SRPK2: variants seen among roughly 807,000 people sequenced by gnomAD.
The protein encoded by SRPK2 is SFRS protein kinase 2.
In SRPK2, 21 loss-of-function variants were observed where a neutral mutation model predicts 90.8. The ratio of observed to expected loss-of-function variants is 0.23; its 90% CI spans 0.16 to 0.33. SRPK2 has a LOEUF of 0.33. SRPK2 is among the 10% of genes least tolerant of loss of function. The pLI is 1.00. For synonymous variants in SRPK2, 288 were observed against 311.1 expected, an observed-to-expected ratio of 0.93 and a Z score of 0.78; for missense variants, 620 against 869.0, an observed-to-expected ratio of 0.71 and a Z score of 3.60.
At chr7:105,386,540 C>G (rs1821631025) in intron 2 of SRPK2, among the ~76,000 whole-genome samples, 1 of 151,594 alleles carries the variant, frequency 6.6e-6, no homozygotes, top group Admixed American at 6.6e-5. Context: ...ATGGTGAAAC[C>G]CCGTCTCTAC....
At chr7:105,144,090 T>C (rs1178023480) in intron 9 of SRPK2, 2 of 152,340 alleles carry the variant, frequency 1.3e-5, no homozygotes, top group Admixed American at 6.5e-5. Flanking sequence ...TTGTTGTTGT[T>C]TTCTTTGAGA....
chr7:105,297,317 A>T, intron 2 of SRPK2: 1 of 270,780 alleles, frequency 3.7e-6, no homozygotes, highest in Non-Finnish European at 5.7e-6. Flanking sequence ...ATGAAGTGAC[A>T]CAGACACAGA....
intron 2 of SRPK2, 35 bp from the exon 3 acceptor site, chr7:105,203,820 G>C: frequency 6.4e-7 from 1 of 1,551,712 alleles, no homozygotes; most frequent in Non-Finnish European, 8.7e-7. Context: ...TATTTACTTA[G>C]AAGTACATCT....
intron 2 of SRPK2, among the ~76,000 whole-genome samples, chr7:105,220,565 A>T (rs1339577589): frequency 6.6e-6 from 1 of 152,182 alleles, no homozygotes; most frequent in Non-Finnish European, 1.5e-5. Context: ...TCAAAAACTC[A>T]AATTTAAATT....
chr7:105,205,726 A>G (rs55712418), intron 2 of SRPK2, among the ~76,000 whole-genome samples: 64,265 of 151,974 alleles, frequency 0.42, 15,276 homozygotes, highest in South Asian at 0.53. Context: ...AGGAGAGGCA[A>G]GTAAGGAACT....
chr7:105,262,195 T>C (rs1036407034), intron 2 of SRPK2, among the ~76,000 whole-genome samples: 2 of 152,156 alleles, frequency 1.3e-5, no homozygotes, highest in African/African-American at 4.8e-5. Flanking sequence ...AACTACTACA[T>C]CTAGACCAAA....
At chr7:105,351,053 G>A (rs1026075849) in intron 2 of SRPK2, among the ~76,000 whole-genome samples, 40 of 152,164 alleles carry the variant, frequency 2.6e-4, no homozygotes, top group Non-Finnish European at 2.8e-4. Context: ...TATGAGGCAG[G>A]TCTTTAAGAG....
intron 7 of SRPK2, among the ~76,000 whole-genome samples, chr7:105,150,148 A>G (rs1480075345): frequency 6.6e-6 from 1 of 152,230 alleles, no homozygotes; most frequent in Non-Finnish European, 1.5e-5. Flanking sequence ...TAAAACTAGG[A>G]TAAGATTTTA....
At chr7:105,133,830 A>C (rs1802388937) in intron 11 of SRPK2, among the ~76,000 whole-genome samples, 1 of 152,190 alleles carries the variant, frequency 6.6e-6, no homozygotes, top group Non-Finnish European at 1.5e-5. Context: ...GTCATTCTAA[A>C]TTCCAGGATG....
intron 2 of SRPK2, among the ~76,000 whole-genome samples, chr7:105,341,542 G>A (rs1240090237): frequency 2.0e-5 from 3 of 151,976 alleles, no homozygotes; most frequent in Non-Finnish European, 2.9e-5. Context: ...GCATGGTGGT[G>A]CACACCTGTA....
intron 2 of SRPK2, among the ~76,000 whole-genome samples, chr7:105,361,746 T>C (rs1331183342): frequency 1.3e-5 from 2 of 152,152 alleles, no homozygotes; most frequent in Non-Finnish European, 2.9e-5. Flanking sequence ...ATTTAATAAA[T>C]GGTGCTGGGA....
chr7:105,380,218 A>G (rs1393356914), intron 2 of SRPK2, among the ~76,000 whole-genome samples: 2 of 150,976 alleles, frequency 1.3e-5, no homozygotes, highest in African/African-American at 2.4e-5. Context: ...AGCAACCTCT[A>G]TCTCCCGTGT....
chr7:105,141,979 G>A (rs766964802), intron 11 of SRPK2, 29 bp downstream of exon 11: 1 of 1,580,156 alleles, frequency 6.3e-7, no homozygotes, highest in African/African-American at 1.4e-5. Flanking sequence ...GTCAGCGATG[G>A]CAGACAGTTG....
chr7:105,283,687 A>T (rs1807647416), intron 2 of SRPK2, among the ~76,000 whole-genome samples: 1 of 152,216 alleles, frequency 6.6e-6, no homozygotes, highest in African/African-American at 2.4e-5. Context: ...ATTATGTAAT[A>T]GTGGTAGTTT....
intron 3 of SRPK2, among the ~76,000 whole-genome samples, chr7:105,179,827 A>C (rs1358837609): frequency 8.5e-4 from 113 of 133,276 alleles, no homozygotes; most frequent in Non-Finnish European, 1.4e-3. Context: ...TCCATCTCAA[A>C]AAAAAAAAAA....
intron 11 of SRPK2, among the ~76,000 whole-genome samples, chr7:105,134,500 ATT>A (rs1802511092): frequency 6.6e-6 from 1 of 152,212 alleles, no homozygotes; most frequent in Admixed American, 6.5e-5. Context: ...GGTTTCCGGT[ATT>A]TTTTACAGCA....
At chr7:105,203,178 C>G (rs766635070) in intron 3 of SRPK2, among the ~76,000 whole-genome samples, 2 of 152,056 alleles carry the variant, frequency 1.3e-5, no homozygotes, top group Non-Finnish European at 2.9e-5. Context: ...TTTGTAGAGA[C>G]AGTGTCTCAC....
intron 2 of SRPK2, among the ~76,000 whole-genome samples, chr7:105,323,348 C>T (rs988028705): frequency 6.6e-6 from 1 of 152,098 alleles, no homozygotes; most frequent in African/African-American, 2.4e-5. Flanking sequence ...TCTGCAAACC[C>T]AAGCAGTGGC....
At chr7:105,386,249 G>A (rs1391567861) in intron 2 of SRPK2, among the ~76,000 whole-genome samples, 1 of 148,248 alleles carries the variant, frequency 6.7e-6, no homozygotes, top group African/African-American at 2.5e-5. Context: ...GGGAGGCGGA[G>A]CTTGCAGTGA....
Sources: allele counts gnomAD v4.1 joint callset (sites outside exome capture counted in the v4.1 genomes callset), GRCh38; gene constraint gnomAD v4.1.1; transcripts MANE v1.5; gene names NCBI Gene and HGNC (gene_info 2026-07-23, HGNC 2026-07-21).